CCDC15: variants seen among roughly 807,000 people sequenced by gnomAD.
CCDC15 encodes the protein coiled-coil domain containing 15.
In CCDC15, 105 loss-of-function variants were observed where a neutral mutation model predicts 114.5. That is an observed-to-expected ratio of 0.92 (90% CI 0.78 to 1.08). The LOEUF (loss-of-function observed/expected upper bound fraction) is 1.08. CCDC15 is among the 50% of genes least tolerant of loss of function. The probability of loss-of-function intolerance (pLI) is 0.00; values close to 1 mark genes in which losing one functional copy is unlikely to be tolerated. For synonymous variants in CCDC15, 334 were observed against 377.8 expected (o/e 0.88, Z 1.34); for missense variants, 1,105 against 1,093.6 (o/e 1.01, Z -0.15).
chr11:125,020,413 C>T (rs1366052586), intron 13 of CCDC15, among the ~76,000 whole-genome samples: 1 of 151,914 alleles, frequency 6.6e-6, no homozygotes, highest in Non-Finnish European at 1.5e-5. Context: ...AGATGACTAA[C>T]AAGAGTTTTT....
intron 4 of CCDC15, among the ~76,000 whole-genome samples, chr11:124,964,562 A>T (rs565208560): frequency 6.6e-6 from 1 of 152,236 alleles, no homozygotes; most frequent in East Asian, 1.9e-4. Flanking sequence ...GGGTTTTCTA[A>T]ATATACAATC....
In CCDC15 at chr11:124,987,367, G is replaced by A. The variant is rs752157765; in HGVS notation, c.1141G>A (p.Gly381Ser). 6.2e-7 allele frequency: 1 copy of A among 1,613,956 alleles called. No homozygotes were observed. Among genetic ancestry groups the A allele is most frequent in the Non-Finnish European group, 8.5e-7 (1 of 1,179,866 alleles). The change falls in exon 8 of 16, where the codon GGC becomes AGC. Residue 381 changes from glycine to serine, a missense_variant. Coordinates refer to ENST00000344762, the MANE Select transcript of CCDC15 (RefSeq NM_025004.3). ...AGAAGGCCAGGCCATTGAGCCAGAA[G>A]GCCAGCCTATTAAGACAGAAACTCA... is the stretch of plus-strand genomic sequence containing the variant. Reference protein sequence around the residue: ...EPEGQAIEPEGQPIKTETQGI... With the variant: ...EPEGQAIEPESQPIKTETQGI...
chr11:125,018,781 T>C (rs1435368112), intron 13 of CCDC15, among the ~76,000 whole-genome samples: 1 of 151,966 alleles, frequency 6.6e-6, no homozygotes, highest in East Asian at 1.9e-4. Flanking sequence ...AGTACAAGAA[T>C]ATGTGGTAGC....
chr11:125,008,267 ATCTT>A (rs1436855348), intron 13 of CCDC15, among the ~76,000 whole-genome samples: 1 of 152,120 alleles, frequency 6.6e-6, no homozygotes, highest in Non-Finnish European at 1.5e-5. Context: ...TTATACCTAA[ATCTT>A]TCATTTTGGA....
At chr11:125,013,601 A>C (rs748768505) in intron 13 of CCDC15, among the ~76,000 whole-genome samples, 35 of 152,100 alleles carry the variant, frequency 2.3e-4, no homozygotes, top group Non-Finnish European at 4.7e-4. Context: ...CTTAGTCTTG[A>C]TGGGTTTGGT....
Position 124,988,423 on chromosome 11 carries a change from C to T in CCDC15, c.1908+289C>T, listed in dbSNP as rs78768047. 9.5e-4 allele frequency among the ~76,000 whole-genome samples: 145 copies of T among 152,262 alleles called. 6 individuals are homozygous for T. The East Asian group carries it at 0.023, about 24-fold the overall frequency. On this transcript the variant is annotated intron_variant, in intron 8 of 15. Coordinates refer to ENST00000344762, the MANE Select transcript of CCDC15 (RefSeq NM_025004.3). ...ATACTTTATTGCTAAAAAATGCTTA[C>T]GATTATCTGAGTCTTCGGCAAGCCA... is the stretch of plus-strand genomic sequence containing the variant.
At chr11:125,016,164 C>T (rs961315372) in intron 13 of CCDC15, among the ~76,000 whole-genome samples, 3 of 152,156 alleles carry the variant, frequency 2.0e-5, no homozygotes, top group Non-Finnish European at 2.9e-5. Flanking sequence ...TTGAGGGCCC[C>T]TTGCTGCTGA....
chr11:125,018,130 C>A (rs938499481), intron 13 of CCDC15, among the ~76,000 whole-genome samples: 11 of 152,134 alleles, frequency 7.2e-5, no homozygotes, highest in African/African-American at 2.7e-4. Flanking sequence ...ACTTACTACT[C>A]GCTCAGTGAC....
chr11:124,997,372 C>A (rs1016466062), intron 11 of CCDC15, among the ~76,000 whole-genome samples: 2 of 152,164 alleles, frequency 1.3e-5, no homozygotes, highest in African/African-American at 2.4e-5. Context: ...CTCACTGAAG[C>A]CTCAAATGAG....
chr11:124,984,869 C>G (rs1348489151), intron 6 of CCDC15, among the ~76,000 whole-genome samples: 1 of 152,258 alleles, frequency 6.6e-6, no homozygotes, highest in East Asian at 1.9e-4. Flanking sequence ...CTCCAGAGAT[C>G]TGCTAAGAGT....
intron 13 of CCDC15, among the ~76,000 whole-genome samples, chr11:125,008,058 G>A (rs920636461): frequency 6.6e-6 from 1 of 152,132 alleles, no homozygotes; most frequent in East Asian, 1.9e-4. Flanking sequence ...CAATATCCAC[G>A]AAATAACTTG....
chr11:125,020,983 A>C (rs1346327305), intron 13 of CCDC15, among the ~76,000 whole-genome samples: 1 of 151,808 alleles, frequency 6.6e-6, no homozygotes, highest in Non-Finnish European at 1.5e-5. Flanking sequence ...TGGCAGGTAG[A>C]TAAATAGGCT....
At chr11:125,028,514 G>GGTTTT (rs1003719916) in intron 13 of CCDC15, among the ~76,000 whole-genome samples, 1 of 151,926 alleles carries the variant, frequency 6.6e-6, no homozygotes, top group Non-Finnish European at 1.5e-5. Context: ...TGGTGGTGGT[G>GGTTTT]GTTTTGTTTT....
chr11:124,974,302 GAT>G (rs1295280062), intron 4 of CCDC15, among the ~76,000 whole-genome samples: 1 of 152,142 alleles, frequency 6.6e-6, no homozygotes, highest in African/African-American at 2.4e-5. Flanking sequence ...TCTTAAAAAT[GAT>G]ATATGTTTTA....
intron 13 of CCDC15, among the ~76,000 whole-genome samples, chr11:125,009,838 T>G (rs1948577105): frequency 6.6e-6 from 1 of 152,200 alleles, no homozygotes. Flanking sequence ...ATGATTTCAT[T>G]CTTTTATATG....
intron 4 of CCDC15, among the ~76,000 whole-genome samples, chr11:124,964,405 C>G (rs1947730227): frequency 6.6e-6 from 1 of 152,110 alleles, no homozygotes; most frequent in Non-Finnish European, 1.5e-5. Flanking sequence ...CTCTTTGAAG[C>G]AGTTGTGAAT....
chr11:125,032,420 A>G (rs1948746015), intron 13 of CCDC15, among the ~76,000 whole-genome samples: 1 of 152,222 alleles, frequency 6.6e-6, no homozygotes, highest in African/African-American at 2.4e-5. Flanking sequence ...CACACCTGGT[A>G]CAGCAGCTGC....
intron 13 of CCDC15, among the ~76,000 whole-genome samples, chr11:125,024,434 A>G (rs534124388): frequency 4.5e-4 from 68 of 152,080 alleles, no homozygotes; most frequent in Non-Finnish European, 7.9e-4. Context: ...TCTTAGCAAT[A>G]TTGAATCTGC....
intron 4 of CCDC15, among the ~76,000 whole-genome samples, chr11:124,974,350 T>C (rs1006270466): frequency 1.3e-5 from 2 of 152,190 alleles, no homozygotes; most frequent in Non-Finnish European, 2.9e-5. Flanking sequence ...TGCAAATTTG[T>C]GAGATATAAA....
Sources: gnomAD v4.1 joint callset for allele counts (sites outside exome capture counted in the v4.1 genomes callset) on GRCh38, gnomAD v4.1.1 for gene constraint, MANE v1.5 for transcripts, NCBI Gene and HGNC (gene_info 2026-07-23, HGNC 2026-07-21) for gene names.